ZCCHC24: variants seen among roughly 807,000 people sequenced by gnomAD.
ZCCHC24 encodes the protein zinc finger CCHC domain-containing protein 24.
ZCCHC24 carries 10 observed loss-of-function variants against 26.2 expected under a neutral mutation model. The ratio of observed to expected loss-of-function variants is 0.38; its 90% CI spans 0.24 to 0.65. ZCCHC24 has a LOEUF of 0.65. ZCCHC24 is among the 30% of genes least tolerant of loss of function. The probability of loss-of-function intolerance (pLI) is 0.54; values close to 1 mark genes in which losing one functional copy is unlikely to be tolerated. For missense variants in ZCCHC24, 243 were observed against 329.1 expected (o/e 0.74, Z 2.03); for synonymous variants, 144 against 147.1 (o/e 0.98, Z 0.15).
chr10:79,425,847 A>G (rs1857020080), intron 2 of ZCCHC24, among the ~76,000 whole-genome samples: 1 of 151,930 alleles, frequency 6.6e-6, no homozygotes, highest in Admixed American at 6.6e-5. Flanking sequence ...TGAGGACAAT[A>G]GCAGCTGTTT....
At chr10:79,443,139 G>A (rs1050446663) in intron 1 of ZCCHC24, among the ~76,000 whole-genome samples, 1 of 152,142 alleles carries the variant, frequency 6.6e-6, no homozygotes, top group African/African-American at 2.4e-5. Flanking sequence ...GGTTGTGAAA[G>A]ACATTTCCCC....
chr10:79,388,643 C>T (rs1856432116), intron 3 of ZCCHC24, among the ~76,000 whole-genome samples: 1 of 152,168 alleles, frequency 6.6e-6, no homozygotes, highest in Non-Finnish European at 1.5e-5. Context: ...CTGGCCAGGG[C>T]CTCTTCCTGG....
At chr10:79,394,175 T>TA in intron 3 of ZCCHC24, 101 bp downstream of exon 3, 1 of 1,466,542 alleles carries the variant, frequency 6.8e-7, no homozygotes, top group East Asian at 2.3e-5. Flanking sequence ...AGGGTCAACT[T>TA]AGAGAGATCT....
chr10:79,445,004 C>T (rs954415199), intron 1 of ZCCHC24, among the ~76,000 whole-genome samples, 191 bp downstream of exon 1: 34 of 152,326 alleles, frequency 2.2e-4, no homozygotes, highest in Non-Finnish European at 3.8e-4. Flanking sequence ...CGGGAGGTGA[C>T]GCGCACCCGG....
intron 3 of ZCCHC24, among the ~76,000 whole-genome samples, chr10:79,393,438 A>C (rs906221660): frequency 6.6e-6 from 1 of 152,006 alleles, no homozygotes; most frequent in Non-Finnish European, 1.5e-5. Context: ...CTTCCCCCAC[A>C]TTCCACCACC....
chr10:79,425,990 C>T (rs1160895856), intron 2 of ZCCHC24, among the ~76,000 whole-genome samples: 1 of 152,224 alleles, frequency 6.6e-6, no homozygotes, highest in Admixed American at 6.5e-5. Flanking sequence ...GATGGACTGC[C>T]CTTTGTTGAC....
At chr10:79,386,548 G>A in intron 3 of ZCCHC24, 90 bp from the exon 4 acceptor site, 3 of 940,942 alleles carry the variant, frequency 3.2e-6, no homozygotes, top group South Asian at 1.6e-5. Context: ...CACAGAGACA[G>A]ACAGGTGAGA....
intron 2 of ZCCHC24, among the ~76,000 whole-genome samples, chr10:79,407,276 C>A (rs1202707340): frequency 6.6e-6 from 1 of 152,196 alleles, no homozygotes; most frequent in East Asian, 1.9e-4. Context: ...GGTGTGGGAG[C>A]CAGGCTGACT....
At chr10:79,409,683 G>A (rs1856765251) in intron 2 of ZCCHC24, among the ~76,000 whole-genome samples, 2 of 152,248 alleles carry the variant, frequency 1.3e-5, no homozygotes, top group Admixed American at 1.3e-4. Context: ...GGGCAAGCAT[G>A]CTGGTCGCTG....
At chr10:79,425,108 G>A (rs1857008097) in intron 2 of ZCCHC24, among the ~76,000 whole-genome samples, 1 of 152,200 alleles carries the variant, frequency 6.6e-6, no homozygotes, top group Admixed American at 6.5e-5. Context: ...GCACAGATGT[G>A]GCACTGCGCC....
At chr10:79,413,232 A>G (rs1856814872) in intron 2 of ZCCHC24, among the ~76,000 whole-genome samples, 1 of 152,190 alleles carries the variant, frequency 6.6e-6, no homozygotes, top group Non-Finnish European at 1.5e-5. Context: ...TAACTCTGTC[A>G]ATTACCATCC....
chr10:79,394,569 G>A, intron 2 of ZCCHC24, 129 bp from the exon 3 acceptor site: 1 of 1,456,670 alleles, frequency 6.9e-7, no homozygotes, highest in Non-Finnish European at 9.0e-7. Context: ...TTTGTCCCCA[G>A]TCTAGATAAT....
intron 2 of ZCCHC24, among the ~76,000 whole-genome samples, chr10:79,416,409 G>A (rs1025408090): frequency 5.3e-5 from 8 of 152,182 alleles, no homozygotes; most frequent in Non-Finnish European, 8.8e-5. Flanking sequence ...TCAGCTATGT[G>A]GTCCAAGGCT....
chr10:79,439,057 TC>T (rs1238678892), intron 1 of ZCCHC24, among the ~76,000 whole-genome samples: 1 of 152,250 alleles, frequency 6.6e-6, no homozygotes, highest in African/African-American at 2.4e-5. Flanking sequence ...GCTTGCAGCC[TC>T]CATTGCAGGG....
rs776841213 is a variant in ZCCHC24, at chr10:79,386,278, G to A, written c.*67C>T. The A allele has an allele frequency of 6.5e-5, 96 of 1,478,032 alleles. 1 individual carries two copies. Among genetic ancestry groups the A allele is most frequent in the Non-Finnish European group, 8.0e-5 (86 of 1,070,032 alleles). 91.6% of individuals were successfully genotyped at this position (1,478,032 alleles called of 1,614,324 possible). ...ACAGGGCGACACGCAGCCCCTCGGA[G>A]TAGCACAGGGAAGCAGCGTCTCCTC... On this transcript the variant is annotated 3_prime_UTR_variant, in exon 4 of 4. Transcript: ENST00000372336.
chr10:79,391,897 A>G (rs780694490), intron 3 of ZCCHC24, among the ~76,000 whole-genome samples: 2 of 148,774 alleles, frequency 1.3e-5, no homozygotes. Context: ...ATCCCCCACT[A>G]CCTCATCGAC....
intron 2 of ZCCHC24, among the ~76,000 whole-genome samples, chr10:79,408,300 T>G (rs1028440814): frequency 6.6e-6 from 1 of 152,152 alleles, no homozygotes; most frequent in Non-Finnish European, 1.5e-5. Flanking sequence ...GGCCTCAGTT[T>G]CCCTGCAGGG....
At chr10:79,440,112 C>CAG (rs1857272363) in intron 1 of ZCCHC24, among the ~76,000 whole-genome samples, 1 of 150,108 alleles carries the variant, frequency 6.7e-6, no homozygotes, top group Non-Finnish European at 1.5e-5. Context: ...ACCACCACGA[C>CAG]ACACACACAC....
rs1856374228 is a variant in ZCCHC24, at chr10:79,385,373, T to G, written c.*972A>C. On this transcript the variant is annotated 3_prime_UTR_variant, in exon 4 of 4. Transcript: ENST00000372336. The surrounding 1 kb of genome is among the most constrained non-coding windows in gnomAD (Gnocchi z 4.3). ...GAAATGGGCCCTCTGCTCTCTAGTG[T>G]TATGCTGTCATTTAACTAATGGGGA... The G allele has an allele frequency of 6.6e-6, 1 of 152,320 alleles. No homozygotes were observed. Among genetic ancestry groups the G allele is most frequent in the Non-Finnish European group, 1.5e-5 (1 of 68,036 alleles). 9.4% of individuals were successfully genotyped at this position (152,320 alleles called of 1,614,324 possible). A position where few individuals can be genotyped will look rare whatever the true frequency, so the allele number is the denominator to read the frequency against.
Sources: allele counts gnomAD v4.1 joint callset (sites outside exome capture counted in the v4.1 genomes callset), GRCh38; gene constraint gnomAD v4.1.1; non-coding constraint Gnocchi (gnomAD v3.1); transcripts MANE v1.5; gene names NCBI Gene and HGNC (gene_info 2026-07-23, HGNC 2026-07-21).